SORT1: variants seen among roughly 807,000 people sequenced by gnomAD.
The protein encoded by SORT1 is sortilin.
A neutral mutation model predicts 101.7 loss-of-function variants in SORT1; 39 were observed. The ratio of observed to expected loss-of-function variants is 0.38; its 90% CI spans 0.30 to 0.50. SORT1 has a LOEUF of 0.50. SORT1 is among the 20% of genes least tolerant of loss of function. The probability of loss-of-function intolerance (pLI) is 0.90; values close to 1 mark genes in which losing one functional copy is unlikely to be tolerated. For synonymous variants in SORT1, 396 were observed against 393.7 expected (o/e 1.01, Z -0.07); for missense variants, 878 against 1,040.4 (o/e 0.84, Z 2.15).
At chr1:109,364,244 T>C (rs964552499) in intron 3 of SORT1, among the ~76,000 whole-genome samples, 1 of 152,150 alleles carries the variant, frequency 6.6e-6, no homozygotes, top group Non-Finnish European at 1.5e-5. Flanking sequence ...CTGAGTCTGA[T>C]GGTGGTGGTA....
intron 13 of SORT1, among the ~76,000 whole-genome samples, chr1:109,326,472 C>T (rs890163676): frequency 0.065 from 5,337 of 81,832 alleles, 427 homozygotes; most frequent in African/African-American, 0.13. Flanking sequence ...TATACATACA[C>T]ACACACACAC....
In SORT1 at chr1:109,351,965, G is replaced by GGGGTGT. The variant is rs932648162; in HGVS notation, c.709-964_709-963insACACCC. On this transcript the variant is annotated intron_variant, in intron 5 of 19. Coordinates refer to ENST00000256637, the MANE Select transcript of SORT1 (RefSeq NM_002959.7). ...CCTGCAGGGCAGGATGAGAGGTAGG[G>GGGGTGT]GTGTGTGTGTGTGTGTGTGTGTGTG... Among the ~76,000 whole-genome samples, 1,020 of 147,506 alleles carry GGGGTGT rather than the reference G, an allele frequency of 6.9e-3. 5 individuals are homozygous for GGGGTGT. Among genetic ancestry groups the GGGGTGT allele is most frequent in the African/African-American group, 0.014 (562 of 39,790 alleles).
At chr1:109,327,471 T>C (rs1377708681) in intron 12 of SORT1, 28 bp downstream of exon 12, 1 of 1,382,956 alleles carries the variant, frequency 7.2e-7, no homozygotes, top group South Asian at 1.2e-5. Context: ...CTGTTCCAGT[T>C]GGAGGTGGTG....
At chr1:109,369,494 G>C in intron 2 of SORT1, 36 bp downstream of exon 2, 1 of 1,341,770 alleles carries the variant, frequency 7.5e-7, no homozygotes, top group Non-Finnish European at 1.1e-6. Flanking sequence ...TCATCTTCTT[G>C]CTGGGCTGAA....
At chr1:109,373,267 T>C (rs1651607074) in intron 1 of SORT1, among the ~76,000 whole-genome samples, 1 of 152,048 alleles carries the variant, frequency 6.6e-6, no homozygotes, top group South Asian at 2.1e-4. Context: ...GAGTTCTTCC[T>C]AAACTGAAGA....
At chr1:109,317,360 C>T (rs1173477666) in intron 16 of SORT1, among the ~76,000 whole-genome samples, 1 of 152,174 alleles carries the variant, frequency 6.6e-6, no homozygotes, top group Non-Finnish European at 1.5e-5. Flanking sequence ...AATTTCAGTT[C>T]CTCGGTTACA....
chr1:109,361,385 T>A (rs1417817118), intron 3 of SORT1, among the ~76,000 whole-genome samples: 2 of 152,208 alleles, frequency 1.3e-5, no homozygotes, highest in African/African-American at 4.8e-5. Flanking sequence ...CAGAAACCCA[T>A]CATAATGGCC....
At chr1:109,348,822 C>T (rs187979009) in intron 6 of SORT1, among the ~76,000 whole-genome samples, 67 of 152,066 alleles carry the variant, frequency 4.4e-4, no homozygotes, top group African/African-American at 1.3e-3. Flanking sequence ...TAAAATTTAA[C>T]AAAACTTAGC....
intron 1 of SORT1, among the ~76,000 whole-genome samples, chr1:109,378,701 TATATATATATATATATATATATATATA>T (rs1652017457): frequency 9.9e-4 from 1 of 1,014 alleles, no homozygotes; most frequent in Non-Finnish European, 6.3e-3. Context: ...GAGTGAATGA[TATATATATATATATATATATATATATA>T]TATATATATA....
chr1:109,327,080 G>A lies in SORT1; in HGVS notation c.1555C>T (p.Leu519=). Residue 519 remains leucine, a synonymous_variant, in exon 13 of 20, where the codon CTG becomes TTG. Coordinates refer to ENST00000256637, the MANE Select transcript of SORT1 (RefSeq NM_002959.7). The part of the protein sequence containing the change: ...DDGGYSWTKM[L]EGPHYYTILD... The stretch of plus-strand genomic sequence containing the variant: ...ATGGTGTAATAGTGGGGTCCTTCCA[G>A]CATCTTTGTCCAGGAGTAACCCCCA... The A allele has an allele frequency of 6.2e-7, 1 of 1,613,176 alleles. No individual in the cohort carries two copies. The highest frequency in any genetic ancestry group is 1.1e-5 in the South Asian group (1 of 91,020).
At chr1:109,346,424 A>C (rs1188990447) in intron 7 of SORT1, among the ~76,000 whole-genome samples, 1 of 151,890 alleles carries the variant, frequency 6.6e-6, no homozygotes, top group East Asian at 1.9e-4. Context: ...AGATTACTTA[A>C]TTCTAATACA....
rs1451079081 is a variant in SORT1 at position 109,342,049 on chromosome 1, T to A, written c.1073A>T (p.Asp358Val). 6.2e-7 allele frequency: 1 copy of A among 1,613,896 alleles called. No homozygotes were observed. Among genetic ancestry groups the A allele is most frequent in the Non-Finnish European group, 8.5e-7 (1 of 1,179,954 alleles). The change falls in exon 9 of 20, where the codon GAT becomes GTT. Residue 358 changes from aspartate to valine, a missense_variant. Asp to Val is a radical substitution (Grantham distance 152, BLOSUM62 -3). This residue lies in a region of SORT1 where 684 missense variants were observed against 894.5 expected (regional missense o/e 0.76). Coordinates refer to ENST00000256637, the MANE Select transcript of SORT1 (RefSeq NM_002959.7). ...ATCTACATGCATGAATACCATGTCA[T>A]CATTTGCTGCCAGAATAGAATAGAA... The part of the protein sequence containing the change: ...EQFYSILAAN[D>V]DMVFMHVDEP...
In SORT1 at chr1:109,397,590, G is replaced by A. The variant is rs1653270611; in HGVS notation, c.303C>T (p.His101=). The part of the protein sequence containing the change: ...DFVAKLANNT[H]QHVFDDLRGS... ...CCCGGGCCCGGCGCCCGCTCACCTG[G>A]TGCGTGTTGTTGGCCAGCTTGGCGA... Residue 101 remains histidine (H), a synonymous_variant, in exon 1 of 20, where the codon CAC becomes CAT. Coordinates refer to ENST00000256637, the MANE Select transcript of SORT1 (RefSeq NM_002959.7). 2 of 1,254,588 alleles carry A rather than the reference G, an allele frequency of 1.6e-6. No individual in the cohort carries two copies. The highest frequency in any genetic ancestry group is 2.0e-6 in the Non-Finnish European group (2 of 986,138). 77.7% of individuals were successfully genotyped at this position (1,254,588 alleles called of 1,614,324 possible). A position where few individuals can be genotyped will look rare whatever the true frequency, so the allele number is the denominator to read the frequency against.
chr1:109,385,491 A>C (rs899240235), intron 1 of SORT1, among the ~76,000 whole-genome samples: 2 of 152,202 alleles, frequency 1.3e-5, no homozygotes, highest in Non-Finnish European at 2.9e-5. Context: ...ACATTTCATA[A>C]TTTTTGCATT....
In SORT1 at chr1:109,314,375, C is replaced by T. The variant is rs776271747; in HGVS notation, c.2367G>A (p.Val789=). Residue 789 remains valine (V), a synonymous_variant, in exon 19 of 20, where the codon GTG becomes GTA. Transcript: ENST00000256637. ...KKYVCGGRFL[V]HRYSVLQQHA... ...GCTGCTGCAGCACAGAGTATCGATGCACCAGGAACCTGTGAACAGAAACCT... is the reference window on the plus strand; with the variant it reads ...GCTGCTGCAGCACAGAGTATCGATGTACCAGGAACCTGTGAACAGAAACCT... 1.2e-6 allele frequency: 2 copies of T among 1,613,868 alleles called. No individual in the cohort carries two copies. The highest frequency in any genetic ancestry group is 1.7e-6 in the Non-Finnish European group (2 of 1,179,980).
At chr1:109,340,008 G>C (rs961764110) in intron 10 of SORT1, among the ~76,000 whole-genome samples, 1 of 152,036 alleles carries the variant, frequency 6.6e-6, no homozygotes, top group Non-Finnish European at 1.5e-5. Context: ...AATTAGCTGG[G>C]TGTGGTGGCA....
intron 1 of SORT1, among the ~76,000 whole-genome samples, chr1:109,386,581 G>A (rs866537683): frequency 4.6e-5 from 7 of 152,270 alleles, no homozygotes; most frequent in Middle Eastern, 3.4e-3. Context: ...GGCCAGGTGT[G>A]GTGGCTCACA....
chr1:109,329,555 G>C (rs896919230), intron 11 of SORT1, among the ~76,000 whole-genome samples: 6 of 152,248 alleles, frequency 3.9e-5, no homozygotes, highest in South Asian at 2.1e-4. Context: ...GTCCAGCCGG[G>C]GGTGGCTATA....
chr1:109,378,170 G>A (rs1651979380), intron 1 of SORT1, among the ~76,000 whole-genome samples: 1 of 152,114 alleles, frequency 6.6e-6, no homozygotes, highest in Non-Finnish European at 1.5e-5. Context: ...CCAGGAATTC[G>A]AAGCTGCAGT....
Sources: allele counts gnomAD v4.1 joint callset (sites outside exome capture counted in the v4.1 genomes callset), GRCh38; gene constraint gnomAD v4.1.1; regional missense constraint gnomAD v4.1.1; transcripts MANE v1.5; gene names NCBI Gene and HGNC (gene_info 2026-07-23, HGNC 2026-07-21).